Variants in DACH1 observed in about 807,000 individuals in gnomAD.
DACH1 encodes dachshund family transcription factor 1, also known as dachshund homolog 1.
A neutral mutation model predicts 54.2 loss-of-function variants in DACH1; 12 were observed. The observed-to-expected ratio is 0.22, with a 90% CI of 0.14 to 0.36. The LOEUF (loss-of-function observed/expected upper bound fraction) is 0.36, where lower values mean the gene tolerates loss of function less well. DACH1 is among the 10% of genes least tolerant of loss of function. DACH1 has a pLI of 1.00. For missense variants in DACH1, 805 were observed against 929.8 expected (o/e 0.87, Z 1.75); for synonymous variants, 386 against 366.2 (o/e 1.05, Z -0.62).
At chr13:71,864,174 C>T (rs1485767462) in intron 1 of DACH1, among the ~76,000 whole-genome samples, 2 of 119,978 alleles carry the variant, frequency 1.7e-5, no homozygotes, top group East Asian at 7.8e-4. Context: ...AGCGCGCGCG[C>T]GCACATACAC....
chr13:71,721,473 G>A (rs1185366270), intron 1 of DACH1, among the ~76,000 whole-genome samples: 1 of 152,056 alleles, frequency 6.6e-6, no homozygotes, highest in Non-Finnish European at 1.5e-5. Flanking sequence ...GGTAACTAGG[G>A]GTAGTCCAAA....
At chr13:71,834,151 T>A (rs73215275) in intron 1 of DACH1, among the ~76,000 whole-genome samples, 4,523 of 152,114 alleles carry the variant, frequency 0.03, 101 homozygotes, top group Non-Finnish European at 0.047. Flanking sequence ...TAGCGAAATA[T>A]CCCTTAGGAT....
intron 1 of DACH1, among the ~76,000 whole-genome samples, chr13:71,719,745 G>C (rs182843011): frequency 3.9e-5 from 6 of 152,092 alleles, no homozygotes; most frequent in African/African-American, 1.4e-4. Context: ...TGAACCTGTA[G>C]TCCCAGCTAC....
At chr13:71,455,611 C>A (rs185292535) in intron 10 of DACH1, among the ~76,000 whole-genome samples, 4 of 152,064 alleles carry the variant, frequency 2.6e-5, no homozygotes, top group Admixed American at 2.0e-4. Flanking sequence ...AGATGGACTG[C>A]GACAGAACTT....
chr13:71,532,703 G>GA (rs1882493886), intron 6 of DACH1, among the ~76,000 whole-genome samples: 1 of 151,664 alleles, frequency 6.6e-6, no homozygotes, highest in African/African-American at 2.4e-5. Flanking sequence ...ATAGATTTAG[G>GA]AAAAAAATGC....
At chr13:71,822,024 G>A (rs1888208492) in intron 1 of DACH1, among the ~76,000 whole-genome samples, 1 of 152,016 alleles carries the variant, frequency 6.6e-6, no homozygotes, top group African/African-American at 2.4e-5. Flanking sequence ...TCGCACCTCT[G>A]CACTCCAGCC....
At chr13:71,550,516 TAA>T (rs1398451246) in intron 6 of DACH1, among the ~76,000 whole-genome samples, 1 of 152,100 alleles carries the variant, frequency 6.6e-6, no homozygotes, top group African/African-American at 2.4e-5. Context: ...GGCGCATGGG[TAA>T]AAAGTAAATA....
chr13:71,794,854 A>G (rs905959486), intron 1 of DACH1, among the ~76,000 whole-genome samples: 1 of 152,238 alleles, frequency 6.6e-6, no homozygotes, highest in African/African-American at 2.4e-5. Context: ...AAAGGTAAAA[A>G]CAAAAAACTA....
At chr13:71,847,239 A>G (rs1182198078) in intron 1 of DACH1, among the ~76,000 whole-genome samples, 1 of 152,188 alleles carries the variant, frequency 6.6e-6, no homozygotes, top group Non-Finnish European at 1.5e-5. Context: ...TTTTATTTCT[A>G]TATAAAAATC....
intron 10 of DACH1, among the ~76,000 whole-genome samples, chr13:71,447,401 T>A (rs1287907819): frequency 6.6e-6 from 1 of 152,236 alleles, no homozygotes; most frequent in African/African-American, 2.4e-5. Context: ...TAATATTTTT[T>A]AATGTATTAT....
intron 6 of DACH1, among the ~76,000 whole-genome samples, chr13:71,505,068 T>C (rs1333510122): frequency 6.6e-6 from 1 of 152,120 alleles, no homozygotes. Flanking sequence ...GTTAATTAGA[T>C]ATCTCCTTCC....
intron 1 of DACH1, among the ~76,000 whole-genome samples, chr13:71,743,191 CA>C (rs1162245590): frequency 6.6e-6 from 1 of 152,036 alleles, no homozygotes; most frequent in Admixed American, 6.6e-5. Flanking sequence ...ATGTGAATGC[CA>C]AAAGAAGGAC....
intron 1 of DACH1, among the ~76,000 whole-genome samples, chr13:71,839,598 C>G (rs1443426957): frequency 6.6e-6 from 1 of 152,106 alleles, no homozygotes; most frequent in East Asian, 1.9e-4. Context: ...CAGAGTGAGA[C>G]TCCGTCTCAA....
chr13:71,471,891 C>T (rs768580168), intron 10 of DACH1, among the ~76,000 whole-genome samples: 31 of 152,180 alleles, frequency 2.0e-4, no homozygotes, highest in Middle Eastern at 3.4e-3. Context: ...AAAATGTACG[C>T]GTATGTGCAT....
intron 1 of DACH1, among the ~76,000 whole-genome samples, chr13:71,743,912 A>AT (rs752045213): frequency 3.7e-4 from 56 of 152,258 alleles, no homozygotes; most frequent in African/African-American, 1.3e-3. Flanking sequence ...TTATAGAAAG[A>AT]TTTTTTCAGG....
At chr13:71,573,047 G>C (rs776869830) in intron 3 of DACH1, 35 bp from the exon 4 acceptor site, 1 of 1,587,002 alleles carries the variant, frequency 6.3e-7, no homozygotes, top group African/African-American at 1.4e-5. Flanking sequence ...CATTGCTCTG[G>C]AGGACATAAA....
chr13:71,759,694 A>T (rs1490798872), intron 1 of DACH1, among the ~76,000 whole-genome samples: 1 of 152,214 alleles, frequency 6.6e-6, no homozygotes, highest in Non-Finnish European at 1.5e-5. Flanking sequence ...ATAATGAGGC[A>T]TGGACAACTG....
At chr13:71,661,167 A>C (rs926525086) in intron 2 of DACH1, among the ~76,000 whole-genome samples, 2 of 150,630 alleles carry the variant, frequency 1.3e-5, no homozygotes, top group African/African-American at 4.9e-5. Context: ...AGACACATAC[A>C]TATATATATA....
intron 6 of DACH1, among the ~76,000 whole-genome samples, chr13:71,526,708 A>G (rs200645546): frequency 0.035 from 4,973 of 144,020 alleles, 78 homozygotes; most frequent in Middle Eastern, 0.043. Context: ...GTGTGTGTGT[A>G]TATATATATA....
Sources: allele counts gnomAD v4.1 joint callset (sites outside exome capture counted in the v4.1 genomes callset), GRCh38; gene constraint gnomAD v4.1.1; transcripts MANE v1.5; gene names NCBI Gene and HGNC (gene_info 2026-07-23, HGNC 2026-07-21).